Variants in GTF2H3 observed in about 807,000 individuals in gnomAD.
GTF2H3 encodes TFIIH basal transcription factor complex p34 subunit.
Under a neutral mutation model 51.1 loss-of-function variants are expected in GTF2H3, and 42 were observed. The ratio of observed to expected loss-of-function variants is 0.82; its 90% CI spans 0.64 to 1.06. GTF2H3 has a LOEUF of 1.06. Ranked by LOEUF, GTF2H3 falls within the 50% of genes least tolerant of loss-of-function variation. GTF2H3 has a pLI of 0.00. For synonymous variants in GTF2H3, 123 were observed against 123.8 expected, an observed-to-expected ratio of 0.99 and a Z score of 0.04; for missense variants, 326 against 366.1, an observed-to-expected ratio of 0.89 and a Z score of 0.89.
chr12:123,652,876 G>A (rs920291902), intron 7 of GTF2H3, 141 bp downstream of exon 7: 8 of 698,016 alleles, frequency 1.1e-5, no homozygotes, highest in African/African-American at 1.9e-5. Flanking sequence ...TCAGGAGTTC[G>A]GGACCAGCCT....
At chr12:123,656,980 C>T (rs1295040591) in intron 9 of GTF2H3, among the ~76,000 whole-genome samples, 2 of 151,900 alleles carry the variant, frequency 1.3e-5, no homozygotes, top group Non-Finnish European at 2.9e-5. Context: ...CTCAGCTGTT[C>T]GGGAGGTGGA....
chr12:123,645,394 G>A (rs1955432133), intron 2 of GTF2H3, 61 bp from the exon 3 acceptor site: 1 of 900,170 alleles, frequency 1.1e-6, no homozygotes, highest in Admixed American at 1.8e-5. Context: ...ATTATGTCAA[G>A]ACCTGACATG....
chr12:123,634,050 G>T (rs1955234819), intron 1 of GTF2H3, among the ~76,000 whole-genome samples, 178 bp downstream of exon 1: 1 of 152,216 alleles, frequency 6.6e-6, no homozygotes, highest in African/African-American at 2.4e-5. Context: ...CCTGTGTACA[G>T]GCATTATTTT....
intron 2 of GTF2H3, among the ~76,000 whole-genome samples, chr12:123,643,416 A>G (rs1955405827): frequency 6.6e-6 from 1 of 152,218 alleles, no homozygotes; most frequent in Admixed American, 6.5e-5. Context: ...ACATCACTGC[A>G]TGCTGCCCTG....
intron 11 of GTF2H3, 24 bp downstream of exon 11, chr12:123,659,954 C>CT (rs768149849): frequency 6.2e-6 from 10 of 1,605,692 alleles, no homozygotes; most frequent in East Asian, 2.2e-5. Context: ...CCTAGTTTTT[C>CT]TTTTTTTTCT....
chr12:123,642,129 C>T (rs1222574318), intron 2 of GTF2H3, among the ~76,000 whole-genome samples: 5 of 151,442 alleles, frequency 3.3e-5, no homozygotes, highest in African/African-American at 7.3e-5. Flanking sequence ...GCTAGGATTA[C>T]AGGCATGAGC....
intron 4 of GTF2H3, chr12:123,648,327 A>C (rs961573731): frequency 1.8e-5 from 7 of 390,564 alleles, no homozygotes; most frequent in Non-Finnish European, 3.2e-5. Flanking sequence ...TACTTCTGGA[A>C]ACACGACTTT....
At chr12:123,647,458 C>T (rs1955463853) in intron 3 of GTF2H3, among the ~76,000 whole-genome samples, 1 of 151,482 alleles carries the variant, frequency 6.6e-6, no homozygotes, top group East Asian at 1.9e-4. Flanking sequence ...GGCGACACAG[C>T]GAGACTGTGT....
rs144048235 is a variant in GTF2H3 at position 123,643,444 on chromosome 12, C to T, written c.94-2011C>T. On this transcript the variant is annotated intron_variant, in intron 2 of 12. Coordinates refer to ENST00000543341, the MANE Select transcript of GTF2H3 (RefSeq NM_001516.5). ...CTGCCCTGTTACTCCAGAAAGGCTG[C>T]GTTTGCACTCATCAGTGCTGTATGA... is the stretch of plus-strand genomic sequence containing the variant. Among the ~76,000 whole-genome samples, 711 of 152,280 alleles carry T rather than the reference C, an allele frequency of 4.7e-3. 5 individuals are homozygous for T. The highest frequency in any genetic ancestry group is 0.016 in the African/African-American group (669 of 41,552).
intron 4 of GTF2H3, chr12:123,649,502 G>C (rs1018891087): frequency 6.6e-6 from 1 of 152,226 alleles, no homozygotes; most frequent in African/African-American, 2.4e-5. Flanking sequence ...GCTCTAGATT[G>C]TTATAGCCTC....
chr12:123,641,319 C>T (rs1955368319), intron 2 of GTF2H3, among the ~76,000 whole-genome samples: 2 of 151,440 alleles, frequency 1.3e-5, no homozygotes, highest in Non-Finnish European at 2.9e-5. Context: ...CTCTGCCTCC[C>T]GGTTCAAGCG....
intron 7 of GTF2H3, among the ~76,000 whole-genome samples, chr12:123,654,520 GGTGTGTATTTTGGAGT>G (rs1451877796): frequency 1.3e-4 from 19 of 149,372 alleles, no homozygotes; most frequent in Non-Finnish European, 2.5e-4. Flanking sequence ...GTGTATTTTG[GGTGTGTATTTTGGAGT>G]GTGTGTATTT....
Position 123,660,511 on chromosome 12 carries a change from A to T in GTF2H3, c.*276A>T, listed in dbSNP as rs1955643652. The T allele has an allele frequency of 3.6e-6, 1 of 277,746 alleles. No homozygotes were observed. Among genetic ancestry groups the T allele is most frequent in the Non-Finnish European group, 6.7e-6 (1 of 149,274 alleles). 17.2% of individuals were successfully genotyped at this position (277,746 alleles called of 1,614,324 possible). ...TTTTTTAATGGGATGACTATTAGTC[A>T]AAGTCAGCTTGTCATGACTCATCAT... On this transcript the variant is annotated 3_prime_UTR_variant, in exon 13 of 13. Transcript: ENST00000543341.
intron 3 of GTF2H3, among the ~76,000 whole-genome samples, chr12:123,645,968 T>C (rs1289937762): frequency 2.6e-5 from 4 of 152,168 alleles, no homozygotes; most frequent in African/African-American, 9.7e-5. Flanking sequence ...GCTCTGTGAG[T>C]GAACCTGGTG....
chr12:123,641,892 C>T (rs183676495), intron 2 of GTF2H3, among the ~76,000 whole-genome samples: 53 of 152,162 alleles, frequency 3.5e-4, no homozygotes, highest in African/African-American at 1.2e-3. Flanking sequence ...TTGCTCTTGT[C>T]GCCCAGGCTA....
At chr12:123,634,521 T>G (rs912680993) in intron 1 of GTF2H3, among the ~76,000 whole-genome samples, 1 of 152,242 alleles carries the variant, frequency 6.6e-6, no homozygotes, top group African/African-American at 2.4e-5. Flanking sequence ...CTAGTTACAA[T>G]AGTACATTGT....
rs1271014697 is a variant in GTF2H3 at position 123,641,391 on chromosome 12, A to G, written c.93+2048A>G. Among the ~76,000 whole-genome samples, 10 of 151,986 alleles carry G rather than the reference A, an allele frequency of 6.6e-5. No homozygotes were observed. In the East Asian group the frequency reaches 1.7e-3, roughly 27 times the overall value. On this transcript the variant is annotated intron_variant, in intron 2 of 12. Coordinates refer to ENST00000543341, the MANE Select transcript of GTF2H3 (RefSeq NM_001516.5). ...CAGGCGTGTACCACCACGCCTGGCT[A>G]ATTTTTGTATTGTTAGTAGAGACGG...
intron 2 of GTF2H3, 97 bp from the exon 3 acceptor site, chr12:123,645,358 C>T: frequency 1.4e-6 from 1 of 694,862 alleles, no homozygotes; most frequent in East Asian, 2.7e-5. Flanking sequence ...GCTTGAGCCA[C>T]TGCACCCAGC....
At chr12:123,641,105 C>T (rs1955365053) in intron 2 of GTF2H3, among the ~76,000 whole-genome samples, 1 of 151,958 alleles carries the variant, frequency 6.6e-6, no homozygotes, top group Non-Finnish European at 1.5e-5. Context: ...TGAGCCATAA[C>T]TATGCCACTG....
Sources: gnomAD v4.1 joint callset for allele counts (sites outside exome capture counted in the v4.1 genomes callset) on GRCh38, gnomAD v4.1.1 for gene constraint, MANE v1.5 for transcripts, NCBI Gene and HGNC (gene_info 2026-07-23, HGNC 2026-07-21) for gene names.